Variants in GRIA3 observed in about 807,000 individuals in gnomAD.
GRIA3 encodes glutamate receptor 3.
In GRIA3, 3 loss-of-function variants were observed where a neutral mutation model predicts 63.0. That is an observed-to-expected ratio of 0.05 (90% CI 0.02 to 0.12). GRIA3 has a LOEUF of 0.12. GRIA3 is among the 10% of genes least tolerant of loss of function. GRIA3 has a pLI of 1.00. For synonymous variants in GRIA3, 274 were observed against 257.9 expected, an observed-to-expected ratio of 1.06 and a Z score of -0.60; for missense variants, 347 against 700.9, an observed-to-expected ratio of 0.50 and a Z score of 5.70.
chrX:123,258,832 CCTTCTAA>C (rs1194810219), intron 3 of GRIA3, among the ~76,000 whole-genome samples: 1 of 112,211 alleles, frequency 8.9e-6, no homozygotes, highest in Non-Finnish European at 1.9e-5. Context: ...AAGTCAACAG[CCTTCTAA>C]CAGATCTTTC....
intron 10 of GRIA3, among the ~76,000 whole-genome samples, chrX:123,409,070 G>T (rs1053172614): frequency 8.9e-6 from 1 of 111,776 alleles, no homozygotes; most frequent in African/African-American, 3.3e-5. Context: ...CTTGTGGTTT[G>T]CAAGTTGCTT....
chrX:123,292,249 T>C (rs2044660434), intron 3 of GRIA3, among the ~76,000 whole-genome samples: 1 of 111,867 alleles, frequency 8.9e-6, no homozygotes, highest in Non-Finnish European at 1.9e-5. Context: ...AGAGTTATTT[T>C]ATGCATGCAA....
chrX:123,364,492 A>G (rs761340694), intron 5 of GRIA3, among the ~76,000 whole-genome samples: 27 of 112,450 alleles, frequency 2.4e-4, no homozygotes, highest in Non-Finnish European at 4.1e-4. Flanking sequence ...GGATGCAGAA[A>G]AAAGGGAATG....
At chrX:123,397,674 G>A (rs761351343) in intron 6 of GRIA3, among the ~76,000 whole-genome samples, 1 of 112,214 alleles carries the variant, frequency 8.9e-6, no homozygotes, top group Non-Finnish European at 1.9e-5. Context: ...GATAGTTGTA[G>A]AGGCAATAAT....
chrX:123,201,526 G>C (rs993933298), intron 2 of GRIA3, among the ~76,000 whole-genome samples: 1 of 110,532 alleles, frequency 9.0e-6, no homozygotes. Context: ...AGGGACCTTA[G>C]AGATCATCTA....
At chrX:123,238,987 T>C (rs1283887781) in intron 2 of GRIA3, among the ~76,000 whole-genome samples, 1 of 110,844 alleles carries the variant, frequency 9.0e-6, no homozygotes, top group Non-Finnish European at 1.9e-5. Context: ...TCTGGCACAG[T>C]ACTTGATGCT....
chrX:123,384,077 T>C (rs779334271), intron 5 of GRIA3, among the ~76,000 whole-genome samples: 17 of 112,417 alleles, frequency 1.5e-4, no homozygotes, highest in Non-Finnish European at 2.6e-4. Context: ...GGTGTATATG[T>C]AGCACATTTT....
chrX:123,435,165 T>C (rs950287305), intron 12 of GRIA3, among the ~76,000 whole-genome samples: 2 of 112,224 alleles, frequency 1.8e-5, no homozygotes, highest in Non-Finnish European at 3.8e-5. Flanking sequence ...TTTATTTCTA[T>C]GGAGCTACTT....
At chrX:123,384,145 G>A (rs893344787) in intron 5 of GRIA3, among the ~76,000 whole-genome samples, 5 of 111,722 alleles carry the variant, frequency 4.5e-5, no homozygotes, top group Admixed American at 9.5e-5. Context: ...TTGCTATTGT[G>A]TAGTGCTGCA....
chrX:123,415,824 C>T (rs1458855997), intron 10 of GRIA3, among the ~76,000 whole-genome samples: 1 of 111,972 alleles, frequency 8.9e-6, no homozygotes, highest in Non-Finnish European at 1.9e-5. Flanking sequence ...TTGTTCACTG[C>T]TTCATTCCTA....
At chrX:123,336,321 T>A (rs2044974021) in intron 4 of GRIA3, among the ~76,000 whole-genome samples, 1 of 112,405 alleles carries the variant, frequency 8.9e-6, no homozygotes, top group Admixed American at 9.4e-5. Context: ...TGGACTTTGA[T>A]GAGACCAAAT....
chrX:123,357,544 T>C (rs766149626), intron 5 of GRIA3, among the ~76,000 whole-genome samples: 1 of 108,688 alleles, frequency 9.2e-6, no homozygotes, highest in African/African-American at 3.3e-5. Context: ...AGGGTACCCA[T>C]CATCTCAAGA....
At chrX:123,185,093 G>C (rs1402077180) in intron 1 of GRIA3, 6 of 300,153 alleles carry the variant, frequency 2.0e-5, no homozygotes, top group African/African-American at 8.0e-5. Context: ...TCAGTCCGTG[G>C]TCTCCGGCTG....
intron 7 of GRIA3, among the ~76,000 whole-genome samples, chrX:123,400,763 A>G (rs2045439511): frequency 8.9e-6 from 1 of 112,315 alleles, no homozygotes; most frequent in Non-Finnish European, 1.9e-5. Context: ...AGCAAGAAAT[A>G]AGATGAGGAG....
chrX:123,253,424 C>T lies in GRIA3; in HGVS notation c.390C>T (p.Pro130=), dbSNP rs142947328. The change falls in exon 3 of 16, where the codon CCC becomes CCT. Residue 130 remains proline, a synonymous_variant. Transcript: ENST00000620443. ...CATCCTTTGTTACGCCTAGCTTCCC[C>T]ACTGACGCAGATGTGCAGTTTGTCA... The part of the protein sequence containing the change: ...LHTSFVTPSF[P]TDADVQFVIQ... The T allele has an allele frequency of 1.9e-4, 227 of 1,209,848 alleles. 2 individuals carry two copies. In the East Asian group the frequency reaches 4.9e-3, roughly 26 times the overall value.
intron 3 of GRIA3, among the ~76,000 whole-genome samples, chrX:123,325,412 A>G (rs754191900): frequency 8.9e-6 from 1 of 112,334 alleles, no homozygotes; most frequent in African/African-American, 3.2e-5. Flanking sequence ...TGGTAAATTT[A>G]ATTGAGAAAG....
chrX:123,243,363 C>A (rs748588177), intron 2 of GRIA3, among the ~76,000 whole-genome samples: 1 of 112,123 alleles, frequency 8.9e-6, no homozygotes, highest in African/African-American at 3.2e-5. Context: ...CAAGGTCCTC[C>A]ACGGTTGGTT....
intron 9 of GRIA3, 85 bp downstream of exon 9, chrX:123,403,604 C>A: frequency 1.6e-6 from 1 of 644,119 alleles, no homozygotes; most frequent in Non-Finnish European, 2.6e-6. Flanking sequence ...GTAGAAAAGA[C>A]CTCAAGTTCA....
chrX:123,294,071 A>G (rs2044671634), intron 3 of GRIA3, among the ~76,000 whole-genome samples: 1 of 97,555 alleles, frequency 1.0e-5, no homozygotes, highest in Non-Finnish European at 2.1e-5. Context: ...AAAAAAATCT[A>G]TTGGCTGTTT....
Sources: allele counts gnomAD v4.1 joint callset (sites outside exome capture counted in the v4.1 genomes callset), GRCh38; gene constraint gnomAD v4.1.1; transcripts MANE v1.5; gene names NCBI Gene and HGNC (gene_info 2026-07-23, HGNC 2026-07-21).